LRP1B: variants seen among roughly 807,000 people sequenced by gnomAD.
LRP1B encodes LDL receptor related protein 1B, also known as low-density lipoprotein receptor-related protein 1B.
LRP1B carries 217 observed loss-of-function variants against 556.6 expected under a neutral mutation model. The observed-to-expected ratio is 0.39, with a 90% CI of 0.35 to 0.44. LRP1B has a LOEUF of 0.44. Among genes scored for constraint, LRP1B ranks in the 20% least tolerant of loss-of-function variants. The pLI is 1.00. For missense variants in LRP1B, 5,053 were observed against 5,620.8 expected (o/e 0.90, Z 3.23); for synonymous variants, 2,047 against 1,865.8 (o/e 1.10, Z -2.50).
intron 3 of LRP1B, among the ~76,000 whole-genome samples, chr2:141,470,421 T>G (rs1473947745): frequency 1.3e-5 from 2 of 152,182 alleles, no homozygotes; most frequent in East Asian, 3.9e-4. Flanking sequence ...TTTCAATCAA[T>G]TAATAAACCT....
intron 2 of LRP1B, among the ~76,000 whole-genome samples, chr2:141,526,372 A>G (rs1334342383): frequency 6.6e-6 from 1 of 152,072 alleles, no homozygotes; most frequent in Admixed American, 6.6e-5. Context: ...GCAAAAATCC[A>G]TAAGTCTGTT....
intron 3 of LRP1B, among the ~76,000 whole-genome samples, chr2:141,260,591 T>C (rs1306023282): frequency 6.6e-6 from 1 of 152,206 alleles, no homozygotes; most frequent in Non-Finnish European, 1.5e-5. Flanking sequence ...AAACAACCAC[T>C]GTTTGCTATC....
chr2:141,709,578 A>C (rs975863417), intron 2 of LRP1B, among the ~76,000 whole-genome samples: 2 of 152,132 alleles, frequency 1.3e-5, no homozygotes, highest in Non-Finnish European at 2.9e-5. Flanking sequence ...GTTTATTGAA[A>C]TGTATTGAGA....
At chr2:141,611,981 A>G (rs2105323308) in intron 2 of LRP1B, among the ~76,000 whole-genome samples, 1 of 152,352 alleles carries the variant, frequency 6.6e-6, no homozygotes, top group Non-Finnish European at 1.5e-5. Context: ...TGTAGTTCAT[A>G]GCCTAGGTTA....
chr2:140,938,168 A>G (rs946867168), intron 20 of LRP1B, among the ~76,000 whole-genome samples: 29 of 152,040 alleles, frequency 1.9e-4, no homozygotes, highest in Admixed American at 1.9e-3. Flanking sequence ...ACAATAAAAT[A>G]ACTGAACTAA....
intron 41 of LRP1B, among the ~76,000 whole-genome samples, chr2:140,668,162 T>A (rs1233424042): frequency 6.6e-6 from 1 of 151,712 alleles, no homozygotes; most frequent in Non-Finnish European, 1.5e-5. Context: ...AATACAAAAA[T>A]TAGCCGGGTG....
chr2:142,073,287 G>T (rs375612036), intron 1 of LRP1B, among the ~76,000 whole-genome samples: 1 of 151,778 alleles, frequency 6.6e-6, no homozygotes, highest in East Asian at 1.9e-4. Flanking sequence ...TTTGAATAAA[G>T]GTATACTCCT....
intron 84 of LRP1B, among the ~76,000 whole-genome samples, chr2:140,284,895 G>GATATCTATATAACTACCT (rs1553439310): frequency 2.7e-5 from 3 of 111,626 alleles, no homozygotes; most frequent in South Asian, 2.9e-4. Context: ...TCTATATATG[G>GATATCTATATAACTACCT]ATATCTATAT....
intron 20 of LRP1B, among the ~76,000 whole-genome samples, chr2:140,928,336 A>G (rs1026281480): frequency 2.0e-5 from 3 of 152,160 alleles, no homozygotes; most frequent in South Asian, 2.1e-4. Context: ...TAACAGACCA[A>G]TACAAAATCG....
intron 37 of LRP1B, among the ~76,000 whole-genome samples, chr2:140,713,624 G>A (rs1481024180): frequency 6.6e-6 from 1 of 151,962 alleles, no homozygotes; most frequent in Non-Finnish European, 1.5e-5. Flanking sequence ...GAGAAGGCAT[G>A]ACCCTGGCAA....
At position 141,118,099 on chromosome 2, in the gene LRP1B, A is replaced by G. The variant is rs570191543; in HGVS notation, c.1014-55826T>C. On this transcript the variant is annotated intron_variant, in intron 7 of 90. Coordinates refer to ENST00000389484, the MANE Select transcript of LRP1B (RefSeq NM_018557.3). ...CAAACAAATGCATTAATTACTATAC[A>G]TGGAAACTGTGTATAGGATGGAATA... 7.2e-4 allele frequency among the ~76,000 whole-genome samples: 109 copies of G among 152,070 alleles called. 1 individual carries two copies. Among genetic ancestry groups the G allele is most frequent in the South Asian group, 3.5e-3 (17 of 4,828 alleles).
chr2:141,281,961 G>C (rs965853562), intron 3 of LRP1B, among the ~76,000 whole-genome samples: 6 of 152,018 alleles, frequency 3.9e-5, no homozygotes, highest in Non-Finnish European at 1.5e-5. Context: ...AAAAGATAAT[G>C]CTGGCCAAAT....
At chr2:141,175,701 A>G (rs1203638795) in intron 7 of LRP1B, among the ~76,000 whole-genome samples, 1 of 152,112 alleles carries the variant, frequency 6.6e-6, no homozygotes, top group East Asian at 1.9e-4. Context: ...CAGAGTCCCC[A>G]CTGGGGCACT....
At chr2:141,891,892 A>G (rs1341637674) in intron 1 of LRP1B, among the ~76,000 whole-genome samples, 1 of 152,108 alleles carries the variant, frequency 6.6e-6, no homozygotes, top group African/African-American at 2.4e-5. Flanking sequence ...TATTCTACAG[A>G]CAGATCAAGA....
chr2:141,276,652 TTCTTTC>T (rs1387700281), intron 3 of LRP1B, among the ~76,000 whole-genome samples: 1 of 123,328 alleles, frequency 8.1e-6, no homozygotes, highest in East Asian at 3.0e-4. Context: ...CTTTCTTTCT[TTCTTTC>T]TTTTTTTTTT....
intron 7 of LRP1B, among the ~76,000 whole-genome samples, chr2:141,068,412 A>G (rs1176710412): frequency 2.0e-5 from 3 of 151,936 alleles, no homozygotes; most frequent in Non-Finnish European, 4.4e-5. Flanking sequence ...TCTGATTTAC[A>G]TAGGGCCCAA....
chr2:141,836,042 CAT>C (rs559829414), intron 1 of LRP1B, among the ~76,000 whole-genome samples: 238 of 151,988 alleles, frequency 1.6e-3, no homozygotes, highest in African/African-American at 5.4e-3. Flanking sequence ...CTTCAGGACA[CAT>C]ATAAACAAAA....
At chr2:141,260,992 C>T (rs537595645) in intron 3 of LRP1B, among the ~76,000 whole-genome samples, 1 of 152,198 alleles carries the variant, frequency 6.6e-6, no homozygotes, top group East Asian at 1.9e-4. Flanking sequence ...CTATGTGGCA[C>T]ATTAAAAAAA....
chr2:140,667,913 T>C (rs1685336575), intron 41 of LRP1B, among the ~76,000 whole-genome samples: 4 of 152,262 alleles, frequency 2.6e-5, no homozygotes, highest in Non-Finnish European at 5.9e-5. Flanking sequence ...GTCTCCTTTA[T>C]GAGGAAGTAG....
Sources: allele counts gnomAD v4.1 joint callset (sites outside exome capture counted in the v4.1 genomes callset), GRCh38; gene constraint gnomAD v4.1.1; transcripts MANE v1.5; gene names NCBI Gene and HGNC (gene_info 2026-07-23, HGNC 2026-07-21).